Variants in COG1 observed in about 807,000 individuals in gnomAD.
COG1 encodes component of oligomeric golgi complex 1.
A neutral mutation model predicts 102.2 loss-of-function variants in COG1; 61 were observed. That is an observed-to-expected ratio of 0.60 (90% CI 0.49 to 0.74). The LOEUF is 0.74. Ranked by LOEUF, COG1 falls within the 30% of genes least tolerant of loss-of-function variation. The probability of loss-of-function intolerance (pLI) is 0.00; values close to 1 mark genes in which losing one functional copy is unlikely to be tolerated. For synonymous variants in COG1, 454 were observed against 493.6 expected (o/e 0.92, Z 1.06); for missense variants, 1,164 against 1,232.1 (o/e 0.94, Z 0.83).
chr17:73,206,428 C>T (rs540951262), intron 11 of COG1, among the ~76,000 whole-genome samples, 166 bp downstream of exon 11: 2 of 152,224 alleles, frequency 1.3e-5, no homozygotes, highest in African/African-American at 4.8e-5. Flanking sequence ...TAGATAAAAT[C>T]TCACACACTG....
chr17:73,193,294 G>C lies in COG1; in HGVS notation c.225G>C (p.Gly75=). The change falls in exon 1 of 14, where the codon GGG becomes GGC. Residue 75 remains glycine, a synonymous_variant. Coordinates refer to ENST00000299886, the MANE Select transcript of COG1 (RefSeq NM_018714.3). Reference sequence around the variant, plus strand: ...GCCAGATGCGCCGCTGCGCCGTGGGGCTAGTGGACGCCGTGAAGGCCACCG... The same window carrying C: ...GCCAGATGCGCCGCTGCGCCGTGGGCCTAGTGGACGCCGTGAAGGCCACCG... ...TIGQMRRCAV[G]LVDAVKATDQ... The C allele has an allele frequency of 6.3e-7, 1 of 1,595,354 alleles. No individual in the cohort carries two copies. The highest frequency in any genetic ancestry group is 1.1e-5 in the South Asian group (1 of 88,516).
In COG1 at chr17:73,207,839, A is replaced by G. The variant is rs1004241774; in HGVS notation, c.2806-475A>G. 3 of 1,268,568 alleles carry G rather than the reference A, an allele frequency of 2.4e-6. No individual in the cohort carries two copies. The South Asian group carries it at 3.9e-5, about 17-fold the overall frequency. The allele number at this position is 1,268,568 out of a possible 1,614,324, so 78.6% of individuals were successfully genotyped here. A position where few individuals can be genotyped will look rare whatever the true frequency, so the allele number is the denominator to read the frequency against. On this transcript the variant is annotated intron_variant, in intron 13 of 13. Coordinates refer to ENST00000299886, the MANE Select transcript of COG1 (RefSeq NM_018714.3). ...TTGCTTTATTGTTAGACACAATATTAGCAGTGTATCCTTTCCGTATTCCCT... is the reference window on the plus strand; with the variant it reads ...TTGCTTTATTGTTAGACACAATATTGGCAGTGTATCCTTTCCGTATTCCCT...
intron 7 of COG1, 109 bp downstream of exon 7, chr17:73,202,009 A>T: frequency 8.7e-7 from 1 of 1,146,928 alleles, no homozygotes; most frequent in Admixed American, 2.0e-5. Context: ...TTCTGATTTC[A>T]TACGGTTAAC....
Position 73,193,338 on chromosome 17 carries a change from T to C in COG1, c.269T>C (p.Leu90Pro). 6.5e-7 allele frequency: 1 copy of C among 1,528,756 alleles called. No homozygotes were observed. The allele number at this position is 1,528,756 out of a possible 1,614,324, so 94.7% of individuals were successfully genotyped here. Residue 90 changes from leucine to proline, a missense_variant, in exon 1 of 14, where the codon CTC (leucine) becomes CCC (proline). Physicochemically the swap from Leu to Pro is moderately conservative, Grantham distance 98. Coordinates refer to ENST00000299886, the MANE Select transcript of COG1 (RefSeq NM_018714.3). The stretch of plus-strand genomic sequence containing the variant: ...GCCACCGACCAGTACTGCGCCCGCC[T>C]CCGCCAGGCCGGCTCGGCCGCGCCC... Reference protein sequence around the residue: ...VKATDQYCARLRQAGSAAPRP... With the variant: ...VKATDQYCARPRQAGSAAPRP...
intron 12 of COG1, 56 bp from the exon 13 acceptor site, chr17:73,207,125 G>C: frequency 7.6e-7 from 1 of 1,317,536 alleles, no homozygotes; most frequent in Non-Finnish European, 1.1e-6. Flanking sequence ...TGAGGCTTCT[G>C]CTGGGCCCCA....
chr17:73,195,640 G>A (rs1196761521), intron 1 of COG1, among the ~76,000 whole-genome samples: 3 of 151,502 alleles, frequency 2.0e-5, no homozygotes, highest in East Asian at 1.9e-4. Context: ...AAGGCTGGGC[G>A]CGGTGGCTCA....
intron 4 of COG1, among the ~76,000 whole-genome samples, chr17:73,197,601 T>C (rs999618101): frequency 6.6e-6 from 1 of 152,182 alleles, no homozygotes; most frequent in Non-Finnish European, 1.5e-5. Flanking sequence ...TTAGTGTCTA[T>C]ATTGGTCATT....
rs140770476 is a variant in COG1, at chr17:73,198,160, C to T, written c.913+764C>T. Among the ~76,000 whole-genome samples the T allele has an allele frequency of 5.2e-3, 769 of 148,178 alleles. 6 individuals are homozygous for T. Among genetic ancestry groups the T allele is most frequent in the African/African-American group, 0.018 (708 of 40,370 alleles). On this transcript the variant is annotated intron_variant, in intron 4 of 13. Coordinates refer to ENST00000299886, the MANE Select transcript of COG1 (RefSeq NM_018714.3). ...TGTCAGCCGCTGGGAGCTTGGGTTACGAAGGAACAATAGAGACGGAGCTAA... is the reference window on the plus strand; with the variant it reads ...TGTCAGCCGCTGGGAGCTTGGGTTATGAAGGAACAATAGAGACGGAGCTAA...
At chr17:73,203,181 A>C in intron 8 of COG1, 35 bp downstream of exon 8, 2 of 1,612,474 alleles carry the variant, frequency 1.2e-6, no homozygotes, top group Non-Finnish European at 1.7e-6. Flanking sequence ...AAGGGAATAA[A>C]CTGCTCCGTG....
At chr17:73,207,341 CTGAT>C in intron 13 of COG1, 85 bp downstream of exon 13, 1 of 1,219,898 alleles carries the variant, frequency 8.2e-7, no homozygotes, top group Non-Finnish European at 1.2e-6. Flanking sequence ...TTTTAAATAA[CTGAT>C]TAAGAACTGA....
intron 6 of COG1, 43 bp downstream of exon 6, chr17:73,200,819 C>T: frequency 6.5e-7 from 1 of 1,532,710 alleles, no homozygotes; most frequent in African/African-American, 1.4e-5. Context: ...TATGGCCAAT[C>T]CTAGTGGTAT....
chr17:73,205,583 C>A lies in COG1; in HGVS notation c.2413C>A (p.Arg805=). 6.2e-7 allele frequency: 1 copy of A among 1,614,164 alleles called. No individual in the cohort carries two copies. Among genetic ancestry groups the A allele is most frequent in the East Asian group, 2.2e-5 (1 of 44,888 alleles). The part of the protein sequence containing the change: ...KEGAFPVTQN[R]ALQLLYDLRY... The stretch of plus-strand genomic sequence containing the variant: ...AGGTGCATTTCCAGTCACCCAGAAC[C>A]GGGCGCTGCAGCTGCTTTATGATCT... Residue 805 remains arginine (R), a synonymous_variant, in exon 10 of 14, where the codon CGG becomes AGG. Transcript: ENST00000299886.
At position 73,196,380 on chromosome 17, in the gene COG1, T is replaced by C. The variant is rs184376172; in HGVS notation, c.316-127T>C. 91 of 1,380,340 alleles carry C rather than the reference T, an allele frequency of 6.6e-5. No homozygotes were observed. The East Asian group carries it at 2.0e-3, about 31-fold the overall frequency. The allele number at this position is 1,380,340 out of a possible 1,614,324, so 85.5% of individuals were successfully genotyped here. On this transcript the variant is annotated intron_variant, in intron 1 of 13. Coordinates refer to ENST00000299886, the MANE Select transcript of COG1 (RefSeq NM_018714.3). ...CACTGGGCTTTGATGACTTGCTGAG[T>C]TGTACTGAACCCAGCTTAATAGAAG...
chr17:73,200,078 T>C (rs2061340767), intron 5 of COG1, 57 bp downstream of exon 5: 1 of 1,558,082 alleles, frequency 6.4e-7, no homozygotes, highest in Admixed American at 1.9e-5. Context: ...TGCAGCCTTG[T>C]ACGGGGCATT....
At position 73,206,273 on chromosome 17, in the gene COG1, T is replaced by A. The variant is rs144115463; in HGVS notation, c.2619+11T>A. On this transcript the variant is annotated intron_variant, in intron 11 of 13. Transcript: ENST00000299886. ...GTGCAGCGAACTTCTGTGAGTCAAA[T>A]CAAAAACATGCTTAGTGCGAACGAA... 202 of 1,607,224 alleles carry A rather than the reference T, an allele frequency of 1.3e-4. 1 individual carries two copies. In the East Asian group the frequency reaches 4.3e-3, roughly 34 times the overall value.
At chr17:73,204,268 C>T (rs1178340880) in intron 9 of COG1, among the ~76,000 whole-genome samples, 3 of 152,208 alleles carry the variant, frequency 2.0e-5, no homozygotes, top group African/African-American at 4.8e-5. Context: ...TCACTGGGGG[C>T]TCCGGGCAAA....
chr17:73,205,388 A>G, intron 9 of COG1, 165 bp from the exon 10 acceptor site: 1 of 745,934 alleles, frequency 1.3e-6, no homozygotes, highest in Non-Finnish European at 2.3e-6. Context: ...CAAGTTTCTA[A>G]CAAAATTTGT....
At chr17:73,202,936 TG>T in intron 7 of COG1, 63 bp from the exon 8 acceptor site, 1 of 1,563,794 alleles carries the variant, frequency 6.4e-7, no homozygotes, top group African/African-American at 1.3e-5. Context: ...TTACACAGAT[TG>T]TTTTAAAGAA....
At chr17:73,195,613 C>CAA (rs35060532) in intron 1 of COG1, among the ~76,000 whole-genome samples, 42 of 82,234 alleles carry the variant, frequency 5.1e-4, no homozygotes, top group African/African-American at 1.7e-3. Context: ...GATGCTGTCC[C>CAA]AAAAAAAAAA....
Sources: gnomAD v4.1 joint callset for allele counts (sites outside exome capture counted in the v4.1 genomes callset) on GRCh38, gnomAD v4.1.1 for gene constraint, MANE v1.5 for transcripts, NCBI Gene and HGNC (gene_info 2026-07-23, HGNC 2026-07-21) for gene names.